SGCZ: variants seen among roughly 807,000 people sequenced by gnomAD.
SGCZ encodes the protein sarcoglycan zeta.
Under a neutral mutation model 41.3 loss-of-function variants are expected in SGCZ, and 40 were observed. The observed-to-expected ratio is 0.97, with a 90% confidence interval of 0.75 to 1.26. The LOEUF is 1.26. SGCZ is among the 50% of genes most tolerant of loss of function. The pLI is 0.00. For synonymous variants in SGCZ, 206 were observed against 137.5 expected, an observed-to-expected ratio of 1.50 and a Z score of -3.49; for missense variants, 552 against 369.8, an observed-to-expected ratio of 1.49 and a Z score of -4.04.
At chr8:15,233,361 A>G (rs1318194622) in intron 1 of SGCZ, among the ~76,000 whole-genome samples, 2 of 151,638 alleles carry the variant, frequency 1.3e-5, no homozygotes, top group African/African-American at 4.8e-5. Context: ...AAAGAAAAAA[A>G]TAGAATTCTT....
At chr8:15,089,012 T>C (rs1393102979) in intron 1 of SGCZ, among the ~76,000 whole-genome samples, 1 of 152,174 alleles carries the variant, frequency 6.6e-6, no homozygotes, top group African/African-American at 2.4e-5. Flanking sequence ...ACTAAACTTA[T>C]TTGCATAGAA....
intron 1 of SGCZ, among the ~76,000 whole-genome samples, chr8:14,650,341 T>G (rs980500930): frequency 2.6e-5 from 4 of 152,030 alleles, no homozygotes; most frequent in Admixed American, 2.0e-4. Flanking sequence ...TTAAAGTGGA[T>G]GATGTTTTTT....
At chr8:14,798,647 T>C (rs1161362021) in intron 1 of SGCZ, among the ~76,000 whole-genome samples, 1 of 152,142 alleles carries the variant, frequency 6.6e-6, no homozygotes, top group Non-Finnish European at 1.5e-5. Context: ...TAAGTCTGTT[T>C]AACAATAATT....
At chr8:14,442,387 T>C (rs1800297041) in intron 2 of SGCZ, among the ~76,000 whole-genome samples, 1 of 152,202 alleles carries the variant, frequency 6.6e-6, no homozygotes, top group Non-Finnish European at 1.5e-5. Context: ...CCTTCCACCA[T>C]GATTGTGAAG....
At chr8:15,208,603 C>T (rs1169778915) in intron 1 of SGCZ, among the ~76,000 whole-genome samples, 2 of 152,078 alleles carry the variant, frequency 1.3e-5, no homozygotes, top group Non-Finnish European at 2.9e-5. Context: ...ACTGAAAGTT[C>T]TAGAAAAGTC....
intron 4 of SGCZ, among the ~76,000 whole-genome samples, chr8:14,173,118 C>T (rs1278918610): frequency 6.6e-6 from 1 of 151,840 alleles, no homozygotes; most frequent in Non-Finnish European, 1.5e-5. Flanking sequence ...TAAAATCATA[C>T]TTGAACAGGA....
chr8:14,197,154 A>G (rs1344050227), intron 4 of SGCZ, among the ~76,000 whole-genome samples: 2 of 152,194 alleles, frequency 1.3e-5, no homozygotes, highest in African/African-American at 4.8e-5. Context: ...TCCTAAGGAA[A>G]GTGAAGGTCC....
At chr8:14,960,236 C>T (rs967382732) in intron 1 of SGCZ, among the ~76,000 whole-genome samples, 2 of 151,998 alleles carry the variant, frequency 1.3e-5, no homozygotes, top group African/African-American at 4.8e-5. Context: ...ACAGTGTAGA[C>T]TGTATTTATT....
At chr8:15,193,820 G>T (rs956404044) in intron 1 of SGCZ, among the ~76,000 whole-genome samples, 1 of 152,154 alleles carries the variant, frequency 6.6e-6, no homozygotes, top group Admixed American at 6.5e-5. Flanking sequence ...TTTAGCCAAA[G>T]CAGAGAATCA....
At chr8:14,781,722 T>G (rs1489977017) in intron 1 of SGCZ, among the ~76,000 whole-genome samples, 1 of 152,112 alleles carries the variant, frequency 6.6e-6, no homozygotes, top group Non-Finnish European at 1.5e-5. Context: ...AAATATCAAT[T>G]TAAAAATTTG....
chr8:14,305,580 A>G (rs1257595785), intron 3 of SGCZ, among the ~76,000 whole-genome samples: 1 of 152,238 alleles, frequency 6.6e-6, no homozygotes, highest in Non-Finnish European at 1.5e-5. Flanking sequence ...ACAAATGCAT[A>G]CAATCATAGT....
intron 1 of SGCZ, among the ~76,000 whole-genome samples, chr8:14,794,994 C>G (rs529358079): frequency 6.6e-6 from 1 of 152,094 alleles, no homozygotes; most frequent in African/African-American, 2.4e-5. Flanking sequence ...ATAACTTTTC[C>G]GGTATCTCTT....
chr8:14,281,047 T>C (rs1225665749), intron 3 of SGCZ, among the ~76,000 whole-genome samples: 1 of 151,904 alleles, frequency 6.6e-6, no homozygotes, highest in Non-Finnish European at 1.5e-5. Context: ...TCATCACAAC[T>C]ATAAAATTTG....
intron 2 of SGCZ, among the ~76,000 whole-genome samples, chr8:14,350,816 G>C (rs1803064442): frequency 6.6e-6 from 1 of 152,008 alleles, no homozygotes; most frequent in Admixed American, 6.6e-5. Flanking sequence ...CGTAATCTAA[G>C]GCAAGTGTAT....
At chr8:14,189,051 G>A (rs1805007047) in intron 4 of SGCZ, among the ~76,000 whole-genome samples, 1 of 149,002 alleles carries the variant, frequency 6.7e-6, no homozygotes, top group Non-Finnish European at 1.5e-5. Flanking sequence ...TAGAGATGGG[G>A]TTTTACTATG....
intron 1 of SGCZ, among the ~76,000 whole-genome samples, chr8:14,822,759 A>T (rs978345370): frequency 1.3e-5 from 2 of 152,162 alleles, no homozygotes; most frequent in Non-Finnish European, 2.9e-5. Context: ...CTGGAAAAAA[A>T]AAAGATATCC....
intron 1 of SGCZ, among the ~76,000 whole-genome samples, chr8:14,815,865 A>T (rs979490963): frequency 1.3e-5 from 2 of 152,236 alleles, no homozygotes; most frequent in Non-Finnish European, 2.9e-5. Context: ...ACTTGGAGTA[A>T]CTGTATGCAA....
intron 1 of SGCZ, among the ~76,000 whole-genome samples, chr8:15,126,981 T>G (rs1411778535): frequency 6.6e-6 from 1 of 152,162 alleles, no homozygotes; most frequent in Non-Finnish European, 1.5e-5. Context: ...CTCTTTGACG[T>G]CCATGCACGT....
chr8:15,028,063 G>T (rs62493673), intron 1 of SGCZ, among the ~76,000 whole-genome samples: 1 of 151,848 alleles, frequency 6.6e-6, no homozygotes, highest in African/African-American at 2.4e-5. Flanking sequence ...ACTGCCTTCC[G>T]CATTCACACA....
Sources: allele counts gnomAD v4.1 joint callset (sites outside exome capture counted in the v4.1 genomes callset), GRCh38; gene constraint gnomAD v4.1.1; transcripts MANE v1.5; gene names NCBI Gene and HGNC (gene_info 2026-07-23, HGNC 2026-07-21).